Variants in GRIK4 observed in about 807,000 individuals in gnomAD.
The protein encoded by GRIK4 is glutamate ionotropic receptor kainate type subunit 4.
GRIK4 carries 40 observed loss-of-function variants against 104.9 expected under a neutral mutation model. The observed-to-expected ratio is 0.38, with a 90% CI of 0.30 to 0.50. GRIK4 has a LOEUF of 0.50. GRIK4 is among the 20% of genes least tolerant of loss of function. The probability of loss-of-function intolerance (pLI) is 0.93; values close to 1 mark genes in which losing one functional copy is unlikely to be tolerated. For synonymous variants in GRIK4, 485 were observed against 524.9 expected, an observed-to-expected ratio of 0.92 and a Z score of 1.04; for missense variants, 1,047 against 1,308.1, an observed-to-expected ratio of 0.80 and a Z score of 3.08.
intron 1 of GRIK4, among the ~76,000 whole-genome samples, chr11:120,556,300 A>G (rs1948185264): frequency 6.6e-6 from 1 of 152,008 alleles, no homozygotes; most frequent in Non-Finnish European, 1.5e-5. Flanking sequence ...CTGCCCTCAA[A>G]AATACCCCAA....
intron 3 of GRIK4, among the ~76,000 whole-genome samples, chr11:120,790,177 A>C (rs879352827): frequency 2.0e-5 from 3 of 152,146 alleles, no homozygotes; most frequent in African/African-American, 7.2e-5. Flanking sequence ...CCTTCTCTGG[A>C]CACTTTGAAA....
intron 3 of GRIK4, among the ~76,000 whole-genome samples, chr11:120,790,491 G>A (rs137904427): frequency 6.6e-6 from 1 of 152,116 alleles, no homozygotes; most frequent in African/African-American, 2.4e-5. Context: ...AAAAACAGCT[G>A]AGTACGTTCC....
At chr11:120,924,062 G>A (rs1431820638) in intron 13 of GRIK4, among the ~76,000 whole-genome samples, 1 of 152,204 alleles carries the variant, frequency 6.6e-6, no homozygotes, top group Non-Finnish European at 1.5e-5. Context: ...GCTTTGCCTG[G>A]TGTTCGCAGC....
rs544126081 is a variant in GRIK4, at chr11:120,578,596, G to A, written c.-159+66709G>A. Among the ~76,000 whole-genome samples, 146 of 152,286 alleles carry A rather than the reference G, an allele frequency of 9.6e-4. 1 individual carries two copies. The highest frequency in any genetic ancestry group is 2.7e-3 in the Admixed American group (42 of 15,292). ...CTCCCTTCCATAGAGGGGGATACAC[G>A]GATGCTTAGTACAGTGCCAGACACA... On this transcript the variant is annotated intron_variant, in intron 1 of 20. Transcript: ENST00000527524.
At chr11:120,728,668 A>G (rs1226388352) in intron 3 of GRIK4, among the ~76,000 whole-genome samples, 1 of 152,172 alleles carries the variant, frequency 6.6e-6, no homozygotes, top group African/African-American at 2.4e-5. Context: ...GGTACATGAG[A>G]TACTTTGATA....
chr11:120,847,369 G>A (rs1182751236), intron 8 of GRIK4, among the ~76,000 whole-genome samples: 1 of 152,196 alleles, frequency 6.6e-6, no homozygotes, highest in Non-Finnish European at 1.5e-5. Flanking sequence ...AAGAACACAA[G>A]CAGATTATCA....
At chr11:120,962,386 T>G in intron 17 of GRIK4, 70 bp from the exon 18 acceptor site, 1 of 1,036,298 alleles carries the variant, frequency 9.6e-7, no homozygotes, top group Non-Finnish European at 1.4e-6. Context: ...TGCACTTTGA[T>G]TCCCTCTCTT....
chr11:120,750,355 T>C (rs1459531071), intron 3 of GRIK4, among the ~76,000 whole-genome samples: 5 of 135,832 alleles, frequency 3.7e-5, no homozygotes, highest in African/African-American at 1.1e-4. Flanking sequence ...AATCTCTTTT[T>C]TTTTTTTTTT....
intron 13 of GRIK4, among the ~76,000 whole-genome samples, chr11:120,906,455 G>C (rs1942868801): frequency 6.6e-6 from 1 of 152,212 alleles, no homozygotes; most frequent in Admixed American, 6.5e-5. Context: ...TTAGCTGGTT[G>C]TTAGTCCCAC....
rs1305432033 is a variant in GRIK4 at position 120,986,114 on chromosome 11, G to T, written c.2725G>T (p.Ala909Ser). 4 of 1,515,408 alleles carry T rather than the reference G, an allele frequency of 2.6e-6. No individual in the cohort carries two copies. Among genetic ancestry groups the T allele is most frequent in the Non-Finnish European group, 3.5e-6 (4 of 1,139,550 alleles). The allele number at this position is 1,515,408 out of a possible 1,614,324, so 93.9% of individuals were successfully genotyped here. ...GCTCGCGCAGAGACTGGCGCAGGAGGCCGCCCTGGTGGCCCGCGGCTGCAC... is the reference window on the plus strand; with the variant it reads ...GCTCGCGCAGAGACTGGCGCAGGAGTCCGCCCTGGTGGCCCGCGGCTGCAC... ...DQLAQRLAQE[A>S]ALVARGCTHI... Residue 909 changes from alanine (A) to serine (S), a missense_variant, in exon 21 of 21, where the codon GCC (alanine) becomes TCC (serine). Around this residue, in one of 3 missense-constraint regions of GRIK4, gnomAD observed 160 missense variants for 140.9 expected, o/e 1.14. Coordinates refer to ENST00000527524, the MANE Select transcript of GRIK4 (RefSeq NM_014619.5).
chr11:120,806,196 A>G (rs1952708485), intron 4 of GRIK4, among the ~76,000 whole-genome samples: 1 of 152,090 alleles, frequency 6.6e-6, no homozygotes, highest in Non-Finnish European at 1.5e-5. Flanking sequence ...CTTCCTCCCA[A>G]CTTATTACCA....
chr11:120,557,757 C>T (rs7107765), intron 1 of GRIK4, among the ~76,000 whole-genome samples: 5 of 152,190 alleles, frequency 3.3e-5, no homozygotes, highest in African/African-American at 1.2e-4. Context: ...TGGCTCACGC[C>T]TGTAATCCCA....
chr11:120,620,237 A>G (rs1396121769), intron 1 of GRIK4: 3 of 767,564 alleles, frequency 3.9e-6, no homozygotes, highest in African/African-American at 1.7e-5. Flanking sequence ...GGGCCTTCAC[A>G]GCCACCCTAA....
chr11:120,730,713 C>G (rs1951113469), intron 3 of GRIK4, among the ~76,000 whole-genome samples: 1 of 151,992 alleles, frequency 6.6e-6, no homozygotes, highest in Non-Finnish European at 1.5e-5. Flanking sequence ...ACATCATTCC[C>G]TTTTTTGGTG....
chr11:120,731,520 T>C (rs1951130594), intron 3 of GRIK4, among the ~76,000 whole-genome samples: 1 of 152,144 alleles, frequency 6.6e-6, no homozygotes, highest in Admixed American at 6.5e-5. Context: ...TACTGGCCTG[T>C]AGTTTTCTAT....
chr11:120,651,604 C>T (rs1184710216), intron 1 of GRIK4, among the ~76,000 whole-genome samples: 5 of 152,170 alleles, frequency 3.3e-5, no homozygotes, highest in South Asian at 2.1e-4. Context: ...AAGTTGGACC[C>T]GGGCTGGGTG....
chr11:120,967,886 C>T lies in GRIK4; in HGVS notation c.2395+563C>T, dbSNP rs1201159002. 1.3e-5 allele frequency among the ~76,000 whole-genome samples: 2 copies of T among 152,056 alleles called. No individual in the cohort carries two copies. Among genetic ancestry groups the T allele is most frequent in the East Asian group, 3.9e-4 (2 of 5,174 alleles). ...CCACCCCAGGGCCTGTGCACCTGTT[C>T]CCTCCTCCTGGCCTTCCCTCGAAGA... On this transcript the variant is annotated intron_variant, in intron 19 of 20. Transcript: ENST00000527524. This position sits in a 1 kb window ranked among gnomAD's most constrained non-coding sequence, Gnocchi z 4.2.
intron 3 of GRIK4, among the ~76,000 whole-genome samples, chr11:120,778,467 A>G (rs1952085742): frequency 6.6e-6 from 1 of 152,256 alleles, no homozygotes; most frequent in Admixed American, 6.5e-5. Flanking sequence ...TTTGTATTTA[A>G]TGATGTGGTT....
At chr11:120,914,199 G>A (rs906613740) in intron 13 of GRIK4, among the ~76,000 whole-genome samples, 1 of 152,204 alleles carries the variant, frequency 6.6e-6, no homozygotes, top group Non-Finnish European at 1.5e-5. Context: ...AAGGAGTTCA[G>A]GATCTACTCA....
Sources: allele counts gnomAD v4.1 joint callset (sites outside exome capture counted in the v4.1 genomes callset), GRCh38; gene constraint gnomAD v4.1.1; regional missense constraint gnomAD v4.1.1; non-coding constraint Gnocchi (gnomAD v3.1); transcripts MANE v1.5; gene names NCBI Gene and HGNC (gene_info 2026-07-23, HGNC 2026-07-21).